Variants in MME observed in about 807,000 individuals in gnomAD.
The protein encoded by MME is membrane metalloendopeptidase.
MME carries 98 observed loss-of-function variants against 113.2 expected under a neutral mutation model. That is an observed-to-expected ratio of 0.87 (90% CI 0.74 to 1.02). The LOEUF is 1.02. Among genes scored for constraint, MME ranks in the 50% least tolerant of loss-of-function variants. The pLI is 0.00. For missense variants in MME, 836 were observed against 896.0 expected (o/e 0.93, Z 0.86); for synonymous variants, 292 against 300.6 (o/e 0.97, Z 0.30).
chr3:155,115,126 TAA>T lies in MME; in HGVS notation c.330_331del (p.Asp112Ter), dbSNP rs1718493374. 2 of 1,614,156 alleles carry T rather than the reference TAA, an allele frequency of 1.2e-6. No individual in the cohort carries two copies. Among genetic ancestry groups the T allele is most frequent in the African/African-American group, 1.3e-5 (1 of 75,050 alleles). ...TCCCGTTACGGCAACTTTGACATTT[TAA>T]GAGATGAACTAGAAGTCGTTTTGAA... On this transcript the variant is annotated frameshift_variant, in exon 4 of 23. Coordinates refer to ENST00000360490, the MANE Select transcript of MME (RefSeq NM_007289.4). LOFTEE classifies it high-confidence loss of function.
chr3:155,055,818 G>A (rs1267950073), intron 1 of MME, among the ~76,000 whole-genome samples: 1 of 152,122 alleles, frequency 6.6e-6, no homozygotes, highest in Non-Finnish European at 1.5e-5. Context: ...TATTAATTGA[G>A]ATGTATACTT....
intron 1 of MME, among the ~76,000 whole-genome samples, chr3:155,055,319 C>T (rs55954373): frequency 0.053 from 8,081 of 152,140 alleles, 625 homozygotes; most frequent in African/African-American, 0.17. Flanking sequence ...TTGTATTGAC[C>T]AGGCATGGTG....
At chr3:155,050,348 C>A (rs954571582) in intron 1 of MME, among the ~76,000 whole-genome samples, 2 of 151,862 alleles carry the variant, frequency 1.3e-5, no homozygotes, top group African/African-American at 4.8e-5. Flanking sequence ...GGTTATATAC[C>A]CAATAATGGG....
intron 8 of MME, among the ~76,000 whole-genome samples, chr3:155,129,916 T>C (rs922873925): frequency 1.3e-5 from 2 of 152,232 alleles, no homozygotes; most frequent in Non-Finnish European, 2.9e-5. Context: ...TGTTCTTCTA[T>C]ATTGATTCAC....
At position 155,183,309 on chromosome 3, in the gene MME, T is replaced by A. The variant is rs201705210; in HGVS notation, c.*2850T>A. The A allele has an allele frequency of 2.6e-5, 4 of 152,154 alleles. No individual in the cohort carries two copies. The highest frequency in any genetic ancestry group is 5.9e-5 in the Non-Finnish European group (4 of 68,048). The allele number at this position is 152,154 out of a possible 1,614,324, so 9.4% of individuals were successfully genotyped here. Reference sequence around the variant, plus strand: ...CCTAAAAAAAGAGAATTAGATTATATTGGTGGTTCTCAGCAAGAGAAGGAG... The same window carrying A: ...CCTAAAAAAAGAGAATTAGATTATAATGGTGGTTCTCAGCAAGAGAAGGAG... On this transcript the variant is annotated 3_prime_UTR_variant, in exon 23 of 23. Transcript: ENST00000360490.
chr3:155,028,934 C>T lies in MME; in HGVS notation c.-11+4610C>T, dbSNP rs1712879320. Reference sequence around the variant, plus strand: ...CAGCAAATATCAAAGGTTTAAAACACTTCATATCAAAACAGAATCACAGGT... The same window carrying T: ...CAGCAAATATCAAAGGTTTAAAACATTTCATATCAAAACAGAATCACAGGT... On this transcript the variant is annotated intron_variant, in intron 1 of 22. Transcript: ENST00000492661. 2.0e-5 allele frequency among the ~76,000 whole-genome samples: 3 copies of T among 152,092 alleles called. No individual in the cohort carries two copies. In the South Asian group the frequency reaches 6.2e-4, roughly 32 times the overall value.
chr3:155,043,874 ACT>A (rs1269473391), intron 1 of MME, among the ~76,000 whole-genome samples: 12 of 151,950 alleles, frequency 7.9e-5, no homozygotes, highest in African/African-American at 1.5e-4. Context: ...TTACGAATTT[ACT>A]CTGTTAGTAT....
intron 22 of MME, among the ~76,000 whole-genome samples, chr3:155,177,855 A>T (rs1341379811): frequency 6.6e-6 from 1 of 152,176 alleles, no homozygotes; most frequent in Non-Finnish European, 1.5e-5. Context: ...TCACACAGGC[A>T]TAGAAATTAG....
intron 20 of MME, among the ~76,000 whole-genome samples, chr3:155,171,370 T>C (rs1225288978): frequency 1.3e-5 from 2 of 152,176 alleles, no homozygotes; most frequent in African/African-American, 4.8e-5. Context: ...AAATATATTT[T>C]CTGCTCATCT....
chr3:155,028,319 A>G (rs1047577430), intron 1 of MME, among the ~76,000 whole-genome samples: 6 of 152,188 alleles, frequency 3.9e-5, no homozygotes, highest in African/African-American at 1.4e-4. Flanking sequence ...GGAATACATG[A>G]GATTGGGTGG....
intron 16 of MME, chr3:155,158,557 G>C (rs1272543916): frequency 6.6e-6 from 1 of 151,978 alleles, no homozygotes; most frequent in Non-Finnish European, 1.5e-5. Context: ...TATAGTAACT[G>C]TCTGAATATA....
At chr3:155,103,495 TC>T (rs2108222538) in intron 3 of MME, among the ~76,000 whole-genome samples, 1 of 152,336 alleles carries the variant, frequency 6.6e-6, no homozygotes, top group South Asian at 2.1e-4. Context: ...TTCTCAGTTG[TC>T]TAATTCACCT....
In MME at chr3:155,140,322, T is replaced by C. The variant is rs199813216; in HGVS notation, c.957+30T>C. The C allele has an allele frequency of 5.3e-4, 732 of 1,389,806 alleles. 1 individual carries two copies. Among genetic ancestry groups the C allele is most frequent in the Non-Finnish European group, 7.0e-4 (688 of 977,650 alleles). The allele number at this position is 1,389,806 out of a possible 1,614,324, so 86.1% of individuals were successfully genotyped here. ...GTGGTAAGTTTTTTGTGCTCTCTTA[T>C]TGTGCCGTTTTCTAAATTATAACAT... On this transcript the variant is annotated intron_variant, in intron 10 of 22. Transcript: ENST00000360490.
At chr3:155,059,182 C>T (rs577925659) in intron 1 of MME, among the ~76,000 whole-genome samples, 22 of 141,180 alleles carry the variant, frequency 1.6e-4, no homozygotes, top group South Asian at 9.5e-4. Context: ...TTGAACCCGG[C>T]GGGCAGAGGT....
At chr3:155,025,689 CTT>C (rs775452382) in intron 1 of MME, among the ~76,000 whole-genome samples, 1 of 109,054 alleles carries the variant, frequency 9.2e-6, no homozygotes, top group Non-Finnish European at 1.9e-5. Flanking sequence ...TTCTTTCTTT[CTT>C]TTTTTTTTTT....
intron 1 of MME, among the ~76,000 whole-genome samples, chr3:155,069,929 A>G (rs1468646301): frequency 6.6e-6 from 1 of 152,162 alleles, no homozygotes; most frequent in East Asian, 1.9e-4. Context: ...ACCCAGCCCC[A>G]GAAGCAACAG....
chr3:155,032,338 A>G (rs1297288287), intron 1 of MME, among the ~76,000 whole-genome samples: 1 of 152,182 alleles, frequency 6.6e-6, no homozygotes, highest in African/African-American at 2.4e-5. Flanking sequence ...TTTTAAAAAG[A>G]AGTTGTTTCT....
At chr3:155,178,470 G>A (rs917493472) in intron 22 of MME, among the ~76,000 whole-genome samples, 1 of 152,102 alleles carries the variant, frequency 6.6e-6, no homozygotes, top group African/African-American at 2.4e-5. Flanking sequence ...ACACTAAGTC[G>A]TGTTTTTCTT....
At chr3:155,178,610 A>G (rs962535085) in intron 22 of MME, among the ~76,000 whole-genome samples, 1 of 152,148 alleles carries the variant, frequency 6.6e-6, no homozygotes, top group Non-Finnish European at 1.5e-5. Context: ...TACACAGTAC[A>G]GCATCTTCCC....
Sources: gnomAD v4.1 joint callset for allele counts (sites outside exome capture counted in the v4.1 genomes callset) on GRCh38, gnomAD v4.1.1 for gene constraint, MANE v1.5 for transcripts, NCBI Gene and HGNC (gene_info 2026-07-23, HGNC 2026-07-21) for gene names.